Variants in FARSB observed in about 807,000 individuals in gnomAD.
The protein encoded by FARSB is phenylalanine--tRNA ligase beta subunit.
FARSB carries 40 observed loss-of-function variants against 69.6 expected under a neutral mutation model. The observed-to-expected ratio is 0.57, with a 90% confidence interval of 0.45 to 0.75. The LOEUF (loss-of-function observed/expected upper bound fraction) is 0.75, where lower values mean the gene tolerates loss of function less well. FARSB is among the 30% of genes least tolerant of loss of function. The pLI is 0.00. For missense variants in FARSB, 632 were observed against 722.9 expected, an observed-to-expected ratio of 0.87 and a Z score of 1.44; for synonymous variants, 235 against 247.2, an observed-to-expected ratio of 0.95 and a Z score of 0.46.
intron 16 of FARSB, among the ~76,000 whole-genome samples, chr2:222,574,151 G>C (rs1042953705): frequency 7.0e-6 from 1 of 143,666 alleles, no homozygotes; most frequent in Non-Finnish European, 1.5e-5. Flanking sequence ...ACAACTTTTC[G>C]AATCAGCACT....
chr2:222,605,511 T>C (rs1168165292), intron 15 of FARSB, among the ~76,000 whole-genome samples: 1 of 152,224 alleles, frequency 6.6e-6, no homozygotes, highest in Non-Finnish European at 1.5e-5. Flanking sequence ...TTCTAAATTA[T>C]GTAAAGCTTT....
At chr2:222,634,707 T>C (rs375614089) in intron 5 of FARSB, among the ~76,000 whole-genome samples, 166 bp from the exon 6 acceptor site, 3 of 152,226 alleles carry the variant, frequency 2.0e-5, no homozygotes, top group Non-Finnish European at 2.9e-5. Flanking sequence ...TGCTACTACA[T>C]GGCATCATTA....
At chr2:222,643,988 CTGTTAA>C (rs1691786171) in intron 2 of FARSB, among the ~76,000 whole-genome samples, 1 of 152,216 alleles carries the variant, frequency 6.6e-6, no homozygotes, top group African/African-American at 2.4e-5. Flanking sequence ...TGTATTCCAA[CTGTTAA>C]TGTTACGCTT....
rs555957732 is a variant in FARSB, at chr2:222,633,300, T to C, written c.614A>G (p.Asn205Ser). 49 of 1,492,706 alleles carry C rather than the reference T, an allele frequency of 3.3e-5. No individual in the cohort carries two copies. The African/African-American group carries it at 4.6e-4, about 14-fold the overall frequency. The allele number at this position is 1,492,706 out of a possible 1,614,324, so 92.5% of individuals were successfully genotyped here. Residue 205 changes from asparagine (N) to serine (S), a missense_variant, in exon 7 of 17, where the codon AAT becomes AGT. Coordinates refer to ENST00000281828, the MANE Select transcript of FARSB (RefSeq NM_005687.5). ...GATATGTAAATAATGTTTCAGGTGA[T>C]TGTCAGTCTGAAAACAAATTAAGTC... The part of the protein sequence containing the change: ...CELMNIYKTD[N>S]HLKHYLHIIE...
At chr2:222,618,884 C>A (rs1014696988) in intron 14 of FARSB, among the ~76,000 whole-genome samples, 1 of 152,152 alleles carries the variant, frequency 6.6e-6, no homozygotes, top group African/African-American at 2.4e-5. Context: ...TGCCTGTAAT[C>A]CCAGCACTTT....
At chr2:222,636,385 C>CAAAAAAA (rs34295305) in intron 5 of FARSB, among the ~76,000 whole-genome samples, 1 of 96,692 alleles carries the variant, frequency 1.0e-5, no homozygotes, top group Admixed American at 1.2e-4. Context: ...GACTCTATCT[C>CAAAAAAA]AAAAAAAAAA....
intron 2 of FARSB, among the ~76,000 whole-genome samples, chr2:222,646,301 G>A (rs998107669): frequency 2.6e-5 from 4 of 151,814 alleles, no homozygotes; most frequent in Admixed American, 2.6e-4. Flanking sequence ...TTATCCCTTA[G>A]AACCCAGAAC....
At chr2:222,598,992 T>C (rs1034711636) in intron 16 of FARSB, among the ~76,000 whole-genome samples, 1 of 148,030 alleles carries the variant, frequency 6.8e-6, no homozygotes, top group African/African-American at 2.5e-5. Flanking sequence ...AACCCATAGA[T>C]TTCAGGGTTA....
intron 13 of FARSB, among the ~76,000 whole-genome samples, chr2:222,620,632 T>A (rs1691112470): frequency 6.6e-6 from 1 of 152,228 alleles, no homozygotes; most frequent in Non-Finnish European, 1.5e-5. Context: ...CCAACAATGA[T>A]GATAACTGAC....
intron 5 of FARSB, among the ~76,000 whole-genome samples, chr2:222,637,938 T>C (rs1691627415): frequency 6.6e-6 from 1 of 151,936 alleles, no homozygotes; most frequent in Non-Finnish European, 1.5e-5. Context: ...GAGATGATCA[T>C]GCCACTGGAC....
rs1280811500 is a variant in FARSB, at chr2:222,628,902, C to A, written c.849-14G>T. 11 of 1,601,908 alleles carry A rather than the reference C, an allele frequency of 6.9e-6. No homozygotes were observed. The highest frequency in any genetic ancestry group is 1.7e-5 in the Admixed American group (1 of 59,000). ...GCAGCTTCGACCCTGAAAACAAAAG[C>A]CAGAAATAAAATACTTAAGAAAAAA... On this transcript the variant is annotated splice_polypyrimidine_tract_variant and intron_variant, in intron 9 of 16. Coordinates refer to ENST00000281828, the MANE Select transcript of FARSB (RefSeq NM_005687.5).
At chr2:222,584,358 T>G (rs1690050098) in intron 16 of FARSB, among the ~76,000 whole-genome samples, 1 of 152,230 alleles carries the variant, frequency 6.6e-6, no homozygotes, top group East Asian at 1.9e-4. Context: ...GTTTTAAAAA[T>G]TATTGCCCTG....
At chr2:222,608,835 G>A (rs936011863) in intron 15 of FARSB, among the ~76,000 whole-genome samples, 7 of 152,186 alleles carry the variant, frequency 4.6e-5, no homozygotes, top group African/African-American at 1.4e-4. Flanking sequence ...TGAAGAAAGT[G>A]ACACTAACTG....
chr2:222,621,575 TACA>T (rs1691136614), intron 13 of FARSB, among the ~76,000 whole-genome samples: 2 of 152,158 alleles, frequency 1.3e-5, no homozygotes, highest in Admixed American at 1.3e-4. Flanking sequence ...GTTAGAAAAA[TACA>T]ACAAGTAAAT....
intron 16 of FARSB, among the ~76,000 whole-genome samples, chr2:222,598,052 T>A (rs1690466705): frequency 6.6e-6 from 1 of 152,202 alleles, no homozygotes; most frequent in Admixed American, 6.5e-5. Context: ...CTATCATTAG[T>A]TTGCCTTGCT....
In FARSB at chr2:222,655,565, G is replaced by T. The variant is rs188437884; in HGVS notation, c.58+451C>A. ...TAGAACAGTGCCTGACACATAACAGGCGCTCAGGAAACATTAATAAAACGA... is the reference window on the plus strand; with the variant it reads ...TAGAACAGTGCCTGACACATAACAGTCGCTCAGGAAACATTAATAAAACGA... On this transcript the variant is annotated intron_variant, in intron 1 of 16. Transcript: ENST00000281828. 1.4e-3 allele frequency among the ~76,000 whole-genome samples: 219 copies of T among 152,280 alleles called. 1 individual carries two copies. The highest frequency in any genetic ancestry group is 0.013 in the Admixed American group (192 of 15,296).
At chr2:222,587,615 C>A (rs1390851257) in intron 16 of FARSB, among the ~76,000 whole-genome samples, 1 of 151,846 alleles carries the variant, frequency 6.6e-6, no homozygotes, top group Admixed American at 6.6e-5. Context: ...CACTAGCAGA[C>A]TAATAAAGAA....
intron 2 of FARSB, among the ~76,000 whole-genome samples, chr2:222,645,384 C>A (rs1334941527): frequency 2.0e-5 from 3 of 152,152 alleles, no homozygotes; most frequent in African/African-American, 7.2e-5. Flanking sequence ...CTACAGAAAT[C>A]TCAGCCAATT....
chr2:222,603,932 T>C (rs1690634814), intron 15 of FARSB, among the ~76,000 whole-genome samples: 1 of 151,928 alleles, frequency 6.6e-6, no homozygotes, highest in Admixed American at 6.6e-5. Context: ...TGTGCATTGT[T>C]GAGGCCAGGC....
Sources: allele counts gnomAD v4.1 joint callset (sites outside exome capture counted in the v4.1 genomes callset), GRCh38; gene constraint gnomAD v4.1.1; transcripts MANE v1.5; gene names NCBI Gene and HGNC (gene_info 2026-07-23, HGNC 2026-07-21).